The following MAST2 variants were observed in gnomAD, a reference collection of about 807,000 sequenced individuals.
MAST2 encodes the protein microtubule associated serine/threonine kinase 2, also known as microtubule-associated serine/threonine-protein kinase 2.
In MAST2, 70 loss-of-function variants were observed where a neutral mutation model predicts 147.4. That is an observed-to-expected ratio of 0.47 (90% CI 0.39 to 0.58). The LOEUF is 0.58. Among genes scored for constraint, MAST2 ranks in the 20% least tolerant of loss-of-function variants. The pLI, the probability that MAST2 is intolerant of heterozygous loss-of-function variation, is 0.00. For missense variants in MAST2, 2,080 were observed against 2,302.3 expected, an observed-to-expected ratio of 0.90 and a Z score of 1.98; for synonymous variants, 869 against 896.8, an observed-to-expected ratio of 0.97 and a Z score of 0.55.
At chr1:46,007,561 G>A (rs74072170) in intron 8 of MAST2, among the ~76,000 whole-genome samples, 70 of 152,312 alleles carry the variant, frequency 4.6e-4, no homozygotes, top group African/African-American at 1.6e-3. Flanking sequence ...GCACATTCCA[G>A]GGAAGAAAGA....
intron 1 of MAST2, among the ~76,000 whole-genome samples, chr1:45,819,944 T>C (rs557558023): frequency 1.3e-5 from 2 of 152,264 alleles, no homozygotes; most frequent in Non-Finnish European, 1.5e-5. Flanking sequence ...CTTGAAATGA[T>C]ACTAGAAAGC....
chr1:45,821,538 T>G (rs1361910611), intron 1 of MAST2, among the ~76,000 whole-genome samples: 1 of 80,588 alleles, frequency 1.2e-5, no homozygotes, highest in Non-Finnish European at 2.4e-5. Flanking sequence ...TTTTTTTTTT[T>G]GAGACAGAGT....
intron 1 of MAST2, among the ~76,000 whole-genome samples, chr1:45,815,785 A>T (rs1216096159): frequency 6.6e-6 from 1 of 152,138 alleles, no homozygotes; most frequent in Non-Finnish European, 1.5e-5. Context: ...AAAGTGGAGG[A>T]TGGGCCAATC....
At chr1:46,019,403 C>A (rs7532204) in intron 10 of MAST2, among the ~76,000 whole-genome samples, 193 bp from the exon 11 acceptor site, 3 of 151,924 alleles carry the variant, frequency 2.0e-5, no homozygotes, top group Admixed American at 2.0e-4. Context: ...ATGTAGTGTT[C>A]TAAAGCAGAA....
chr1:45,988,048 T>C (rs529163439), intron 5 of MAST2, among the ~76,000 whole-genome samples: 6 of 152,202 alleles, frequency 3.9e-5, no homozygotes, highest in Non-Finnish European at 7.3e-5. Flanking sequence ...AGTCTTGCTC[T>C]GTTGCCCAGG....
intron 8 of MAST2, among the ~76,000 whole-genome samples, chr1:46,006,872 A>G (rs1386514272): frequency 6.6e-6 from 1 of 152,250 alleles, no homozygotes; most frequent in African/African-American, 2.4e-5. Flanking sequence ...TCTGATGGTT[A>G]TCTGGCTCCA....
intron 5 of MAST2, among the ~76,000 whole-genome samples, chr1:45,959,828 G>A (rs4420029): frequency 0.73 from 111,269 of 152,046 alleles, 41,064 homozygotes; most frequent in East Asian, 0.95. Context: ...TTGTACTACC[G>A]TGCCCAAGGA....
chr1:46,034,506 TTGTCTGTC>T (rs748196521), intron 28 of MAST2, 24 bp from the exon 29 acceptor site: 5 of 1,586,424 alleles, frequency 3.2e-6, no homozygotes, highest in African/African-American at 2.7e-5. Flanking sequence ...TGCTCTGCTT[TTGTCTGTC>T]TGTCTGTCTG....
intron 5 of MAST2, among the ~76,000 whole-genome samples, chr1:45,975,676 CAA>C (rs372155048): frequency 4.4e-5 from 5 of 112,384 alleles, no homozygotes; most frequent in Admixed American, 9.4e-5. Flanking sequence ...GACTCTGTCT[CAA>C]AAAAAAAAAA....
intron 4 of MAST2, among the ~76,000 whole-genome samples, chr1:45,941,417 G>A (rs552868421): frequency 3.9e-5 from 6 of 152,088 alleles, no homozygotes; most frequent in South Asian, 2.1e-4. Flanking sequence ...CTGCCACTGC[G>A]CCTAGCTAAT....
intron 4 of MAST2, among the ~76,000 whole-genome samples, chr1:45,883,474 C>T (rs370600987): frequency 2.1e-4 from 32 of 152,204 alleles, no homozygotes; most frequent in African/African-American, 7.5e-4. Flanking sequence ...CAGTCTTGAC[C>T]ATGCCATTTA....
At chr1:45,884,546 C>A (rs912209169) in intron 4 of MAST2, among the ~76,000 whole-genome samples, 1 of 151,462 alleles carries the variant, frequency 6.6e-6, no homozygotes, top group Non-Finnish European at 1.5e-5. Flanking sequence ...AGTGATGCGC[C>A]GTCAAAAAAT....
chr1:45,948,592 A>C (rs1208297992), intron 4 of MAST2, among the ~76,000 whole-genome samples: 4 of 150,612 alleles, frequency 2.7e-5, no homozygotes, highest in African/African-American at 9.8e-5. Flanking sequence ...CTGTAGTCTC[A>C]GCTACCTGGG....
chr1:45,835,332 T>A (rs370586861), intron 3 of MAST2, among the ~76,000 whole-genome samples: 1 of 152,122 alleles, frequency 6.6e-6, no homozygotes, highest in African/African-American at 2.4e-5. Flanking sequence ...GGGAGAGCCA[T>A]GATCAAGGAG....
chr1:45,967,910 G>GTGTGTA, intron 5 of MAST2, among the ~76,000 whole-genome samples: 1 of 152,146 alleles, frequency 6.6e-6, no homozygotes, highest in Non-Finnish European at 1.5e-5. Context: ...TTATATATAA[G>GTGTGTA]CACATGTGTG....
At chr1:45,992,020 C>A (rs944384453) in intron 5 of MAST2, among the ~76,000 whole-genome samples, 3 of 152,292 alleles carry the variant, frequency 2.0e-5, no homozygotes, top group East Asian at 3.9e-4. Flanking sequence ...TGAGCCACTG[C>A]ACCCAGTCGT....
intron 1 of MAST2, among the ~76,000 whole-genome samples, chr1:45,811,474 G>C (rs1182564443): frequency 6.6e-6 from 1 of 151,626 alleles, no homozygotes; most frequent in East Asian, 1.9e-4. Context: ...GAGTAGCTGG[G>C]ACTACAGGCG....
intron 5 of MAST2, among the ~76,000 whole-genome samples, chr1:45,980,816 G>C (rs1383496245): frequency 6.6e-6 from 1 of 152,046 alleles, no homozygotes; most frequent in Non-Finnish European, 1.5e-5. Flanking sequence ...AATTACAAGT[G>C]TGAGCTACCA....
intron 4 of MAST2, among the ~76,000 whole-genome samples, chr1:45,914,574 TA>T (rs1557899629): frequency 6.6e-6 from 1 of 152,190 alleles, no homozygotes; most frequent in East Asian, 1.9e-4. Context: ...TGCCTTTGTT[TA>T]ACCCACAGGG....
Sources: gnomAD v4.1 joint callset for allele counts (sites outside exome capture counted in the v4.1 genomes callset) on GRCh38, gnomAD v4.1.1 for gene constraint, MANE v1.5 for transcripts, NCBI Gene and HGNC (gene_info 2026-07-23, HGNC 2026-07-21) for gene names.